The following SALL3 variants were observed in gnomAD, a reference collection of about 807,000 sequenced individuals.
The protein encoded by SALL3 is sal-like protein 3.
A neutral mutation model predicts 66.2 loss-of-function variants in SALL3; 25 were observed. The ratio of observed to expected loss-of-function variants is 0.38; its 90% CI spans 0.28 to 0.53. The LOEUF (loss-of-function observed/expected upper bound fraction) is 0.53, where lower values mean the gene tolerates loss of function less well. SALL3 is among the 20% of genes least tolerant of loss of function. The probability of loss-of-function intolerance (pLI) is 0.85; values close to 1 mark genes in which losing one functional copy is unlikely to be tolerated. For synonymous variants in SALL3, 1,152 were observed against 899.1 expected (o/e 1.28, Z -5.03); for missense variants, 2,194 against 1,916.5 (o/e 1.14, Z -2.70).
chr18:78,980,381 C>T (rs1408427198), intron 1 of SALL3, 25 bp downstream of exon 1: 1 of 1,371,718 alleles, frequency 7.3e-7, no homozygotes, highest in Non-Finnish European at 9.5e-7. Flanking sequence ...TGCGGGGTGG[C>T]CGGGGGGTCT....
At chr18:78,984,588 A>G (rs1914176929) in intron 1 of SALL3, among the ~76,000 whole-genome samples, 1 of 152,150 alleles carries the variant, frequency 6.6e-6, no homozygotes. Flanking sequence ...CTGTATGTAA[A>G]AATTGAGCAA....
intron 1 of SALL3, among the ~76,000 whole-genome samples, chr18:78,987,379 A>C (rs1914279366): frequency 6.6e-6 from 1 of 152,302 alleles, no homozygotes; most frequent in African/African-American, 2.4e-5. Flanking sequence ...TTTATTAGTT[A>C]GAAGGGGAAA....
chr18:78,984,068 C>G (rs1289027589), intron 1 of SALL3, among the ~76,000 whole-genome samples: 3 of 152,122 alleles, frequency 2.0e-5, no homozygotes, highest in Admixed American at 2.0e-4. Context: ...ATCTGTTGTT[C>G]AAAGCCAGAA....
intron 1 of SALL3, among the ~76,000 whole-genome samples, chr18:78,987,048 A>AT (rs780120720): frequency 1.3e-5 from 2 of 150,170 alleles, no homozygotes; most frequent in Non-Finnish European, 3.0e-5. Context: ...AAGTAAACTT[A>AT]TTTTTAAAAA....
rs1599178982 is a variant in SALL3 at position 78,992,851 on chromosome 18, A to G, written c.860A>G (p.Glu287Gly). 4 of 980,650 alleles carry G rather than the reference A, an allele frequency of 4.1e-6. No homozygotes were observed. In the South Asian group the frequency reaches 1.8e-4, roughly 45 times the overall value. 60.7% of individuals were successfully genotyped at this position (980,650 alleles called of 1,614,324 possible). A position where few individuals can be genotyped will look rare whatever the true frequency, so the allele number is the denominator to read the frequency against. Residue 287 changes from glutamate to glycine, a missense_variant, in exon 2 of 3, where the codon GAG becomes GGG. Transcript: ENST00000537592. ...GGCCCCGCCGCCCCGGCCGCCTTCG[A>G]GGGCGCGCAGCCGCTGTCCCGGCCC... ...GSGPAAPAAF[E>G]GAQPLSRPES...
Position 78,992,305 on chromosome 18 carries a change from AGCGCGCCGAAAGCGAG to A in SALL3, c.318_333del (p.Ala107ProfsTer55). On this transcript the variant is annotated frameshift_variant, in exon 2 of 3. Coordinates refer to ENST00000537592, the MANE Select transcript of SALL3 (RefSeq NM_171999.4). LOFTEE classifies it high-confidence loss of function. ...CCTTCGCCCGCCAGCTCCCCCAGCGAGCGCGCCGAAAGCGAGGCGGCCGAGGAGGCGGGTGCGGAGG... is the reference window on the plus strand; with the variant it reads ...CCTTCGCCCGCCAGCTCCCCCAGCGAGCGGCCGAGGAGGCGGGTGCGGAGG... 3 of 1,514,512 alleles carry A rather than the reference AGCGCGCCGAAAGCGAG, an allele frequency of 2.0e-6. No individual in the cohort carries two copies. Among genetic ancestry groups the A allele is most frequent in the Non-Finnish European group, 2.6e-6 (3 of 1,140,666 alleles). The allele number at this position is 1,514,512 out of a possible 1,614,324, so 93.8% of individuals were successfully genotyped here. A position where few individuals can be genotyped will look rare whatever the true frequency, so the allele number is the denominator to read the frequency against.
At position 78,979,831 on chromosome 18, in the gene SALL3, C is replaced by CG. The variant is rs1821660390; in HGVS notation, c.-443dup. 6.9e-6 allele frequency among the ~76,000 whole-genome samples: 1 copy of CG among 144,864 alleles called. No homozygotes were observed. The highest frequency in any genetic ancestry group is 1.5e-5 in the Non-Finnish European group (1 of 65,250). On this transcript the variant is annotated 5_prime_UTR_variant, in exon 1 of 3. Transcript: ENST00000537592. ...CGGCGCGCCGGCGGAGACGGCGCCG[C>CG]GCGGACGCCGCCAAAGTTTGCTGCC...
In SALL3 at chr18:78,997,446, T is replaced by A; in HGVS notation, c.*124T>A. ...CATAGCAGAAAACACTTTGTGCGGCTGCCGAGAGGTGGTCTTGTAAGCGCT... is the reference window on the plus strand; with the variant it reads ...CATAGCAGAAAACACTTTGTGCGGCAGCCGAGAGGTGGTCTTGTAAGCGCT... On this transcript the variant is annotated 3_prime_UTR_variant, in exon 3 of 3. Coordinates refer to ENST00000537592, the MANE Select transcript of SALL3 (RefSeq NM_171999.4). The A allele has an allele frequency of 9.4e-6, 9 of 956,718 alleles. No individual in the cohort carries two copies. The highest frequency in any genetic ancestry group is 1.4e-5 in the Non-Finnish European group (9 of 638,334). 59.3% of individuals were successfully genotyped at this position (956,718 alleles called of 1,614,324 possible).
At chr18:78,990,790 G>C (rs887867417) in intron 1 of SALL3, among the ~76,000 whole-genome samples, 7 of 152,186 alleles carry the variant, frequency 4.6e-5, no homozygotes, top group Admixed American at 2.0e-4. Flanking sequence ...ACAAAAAGCA[G>C]TTACGAGTCA....
Position 78,993,784 on chromosome 18 carries a change from C to T in SALL3, c.1793C>T (p.Pro598Leu). The T allele has an allele frequency of 6.4e-7, 1 of 1,551,258 alleles. No individual in the cohort carries two copies. Among genetic ancestry groups the T allele is most frequent in the Non-Finnish European group, 8.6e-7 (1 of 1,156,450 alleles). The change falls in exon 2 of 3, where the codon CCC (proline) becomes CTC (leucine). Residue 598 changes from proline (P) to leucine (L), a missense_variant. Pro to Leu is a moderately conservative substitution (Grantham distance 98). Transcript: ENST00000537592. ...LGGPPLTKAEPVSLPCTNARA... is the reference protein window; with the variant it reads ...LGGPPLTKAELVSLPCTNARA... Reference sequence around the variant, plus strand: ...GGGCCGCCCCTCACTAAAGCCGAGCCCGTCAGCCTGCCCTGCACCAACGCC... The same window carrying T: ...GGGCCGCCCCTCACTAAAGCCGAGCTCGTCAGCCTGCCCTGCACCAACGCC...
In SALL3 at chr18:78,998,885, C is replaced by T. The variant is rs1334210961; in HGVS notation, c.*1563C>T. ...GGAGGCTGGGGCGGCCGAGGCAGCA[C>T]AAACACGGCGTCGTGAACTACCTCA... is the stretch of plus-strand genomic sequence containing the variant. On this transcript the variant is annotated 3_prime_UTR_variant, in exon 3 of 3. Transcript: ENST00000537592. 5 of 152,266 alleles carry T rather than the reference C, an allele frequency of 3.3e-5. No individual in the cohort carries two copies. In the South Asian group the frequency reaches 8.3e-4, roughly 25 times the overall value. The allele number at this position is 152,266 out of a possible 1,614,324, so 9.4% of individuals were successfully genotyped here.
intron 2 of SALL3, 25 bp from the exon 3 acceptor site, chr18:78,996,866 T>A: frequency 1.3e-6 from 2 of 1,581,364 alleles, no homozygotes; most frequent in African/African-American, 1.3e-5. Flanking sequence ...CACTTACTCG[T>A]GGGCTGTCTC....
At chr18:78,988,982 T>TA (rs1490602011) in intron 1 of SALL3, among the ~76,000 whole-genome samples, 23 of 152,226 alleles carry the variant, frequency 1.5e-4, no homozygotes, top group African/African-American at 4.8e-4. Flanking sequence ...AATGAACTGT[T>TA]AACAGGTCCA....
intron 1 of SALL3, chr18:78,991,684 T>A (rs1914439402): frequency 4.9e-6 from 1 of 203,522 alleles, no homozygotes; most frequent in East Asian, 1.1e-4. Flanking sequence ...TTTAGCAATG[T>A]TAAGTGAACT....
In SALL3 at chr18:78,992,442, G is replaced by GCCCCTGCAC. The variant is rs1429147608; in HGVS notation, c.456_464dup (p.Ala153_Pro155dup). The GCCCCTGCAC allele has an allele frequency of 3.8e-5, 53 of 1,392,020 alleles. No homozygotes were observed. Among genetic ancestry groups the GCCCCTGCAC allele is most frequent in the Middle Eastern group, 2.6e-4 (1 of 3,828 alleles). The allele number at this position is 1,392,020 out of a possible 1,614,324, so 86.2% of individuals were successfully genotyped here. A position where few individuals can be genotyped will look rare whatever the true frequency, so the allele number is the denominator to read the frequency against. On this transcript the variant is annotated inframe_insertion, in exon 2 of 3. Transcript: ENST00000537592. ...GCGCGCGCCCCGGCCCCCGCCTGCGGCCCCTGCACCCCCAACGCCCGCCTA... is the reference window on the plus strand; with the variant it reads ...GCGCGCGCCCCGGCCCCCGCCTGCGGCCCCTGCACCCCCTGCACCCCCAACGCCCGCCTA...
Position 78,993,862 on chromosome 18 carries a change from TGGAC to T in SALL3, c.1874_1877del (p.Asp625AlafsTer28). ...CAGGCTAGCGCTGCACCCACATCGG[TGGAC>T]GGCGCACCCACGAGCCTCGGCAGCC... On this transcript the variant is annotated frameshift_variant, in exon 2 of 3. Transcript: ENST00000537592. LOFTEE classifies it high-confidence loss of function. 6.4e-7 allele frequency: 1 copy of T among 1,563,444 alleles called. No individual in the cohort carries two copies. The highest frequency in any genetic ancestry group is 8.6e-7 in the Non-Finnish European group (1 of 1,156,178).
At chr18:78,981,944 T>C (rs1014543953) in intron 1 of SALL3, among the ~76,000 whole-genome samples, 2 of 152,230 alleles carry the variant, frequency 1.3e-5, no homozygotes, top group Non-Finnish European at 2.9e-5. Context: ...AGCTTTATTA[T>C]TGTGGCTCCT....
intron 1 of SALL3, among the ~76,000 whole-genome samples, chr18:78,983,058 T>C (rs1032652848): frequency 2.0e-5 from 3 of 152,140 alleles, no homozygotes; most frequent in African/African-American, 7.2e-5. Context: ...ACTACAGGAA[T>C]GAAACATGAC....
At chr18:78,985,810 G>C (rs1290565874) in intron 1 of SALL3, among the ~76,000 whole-genome samples, 1 of 152,182 alleles carries the variant, frequency 6.6e-6, no homozygotes, top group Non-Finnish European at 1.5e-5. Context: ...GTGCTTTCAA[G>C]TAGGCATGTC....
Sources: gnomAD v4.1 joint callset for allele counts (sites outside exome capture counted in the v4.1 genomes callset) on GRCh38, gnomAD v4.1.1 for gene constraint, MANE v1.5 for transcripts, NCBI Gene and HGNC (gene_info 2026-07-23, HGNC 2026-07-21) for gene names.